CPEB4: variants seen among roughly 807,000 people sequenced by gnomAD.
The protein encoded by CPEB4 is cytoplasmic polyadenylation element-binding protein 4.
CPEB4 carries 12 observed loss-of-function variants against 72.5 expected under a neutral mutation model. That is an observed-to-expected ratio of 0.17 (90% CI 0.11 to 0.27). CPEB4 has a LOEUF of 0.27. Among genes scored for constraint, CPEB4 ranks in the 10% least tolerant of loss-of-function variants. The probability of loss-of-function intolerance (pLI) is 1.00; values close to 1 mark genes in which losing one functional copy is unlikely to be tolerated. For synonymous variants in CPEB4, 302 were observed against 326.3 expected (o/e 0.93, Z 0.80); for missense variants, 614 against 908.5 (o/e 0.68, Z 4.17).
At chr5:173,953,053 C>A in intron 8 of CPEB4, 38 bp from the exon 9 acceptor site, 1 of 1,522,314 alleles carries the variant, frequency 6.6e-7, no homozygotes, top group South Asian at 1.3e-5. Context: ...ATGAATTTTC[C>A]TGATTTTAAA....
chr5:173,910,654 GTATTAAC>G, intron 2 of CPEB4, 50 bp downstream of exon 2: 1 of 1,162,028 alleles, frequency 8.6e-7, no homozygotes, highest in South Asian at 1.2e-5. Flanking sequence ...TTTTAAATGT[GTATTAAC>G]TATTTAATCT....
At chr5:173,928,024 T>A (rs1018235347) in intron 2 of CPEB4, among the ~76,000 whole-genome samples, 3 of 152,064 alleles carry the variant, frequency 2.0e-5, no homozygotes, top group African/African-American at 4.8e-5. Flanking sequence ...TAAATGCATA[T>A]GACTAAGTGA....
At chr5:173,948,546 A>G (rs894578884) in intron 5 of CPEB4, among the ~76,000 whole-genome samples, 3 of 152,162 alleles carry the variant, frequency 2.0e-5, no homozygotes, top group Admixed American at 2.0e-4. Context: ...GCATTGCACC[A>G]TTATGGTGAT....
In CPEB4 at chr5:173,908,601, T is replaced by C. The variant is rs191640815; in HGVS notation, c.1126-1922T>C. 2.6e-5 allele frequency among the ~76,000 whole-genome samples: 4 copies of C among 152,212 alleles called. No individual in the cohort carries two copies. The East Asian group carries it at 7.7e-4, about 29-fold the overall frequency. The stretch of plus-strand genomic sequence containing the variant: ...GGGGTCAGGAGGAGTGGTCCCTATT[T>C]CAGGGAAGCAGAAGAATCATGTGGG... On this transcript the variant is annotated intron_variant, in intron 1 of 9. Transcript: ENST00000265085.
At chr5:173,915,842 C>T (rs1756848453) in intron 2 of CPEB4, among the ~76,000 whole-genome samples, 1 of 152,154 alleles carries the variant, frequency 6.6e-6, no homozygotes, top group Admixed American at 6.5e-5. Flanking sequence ...TGTTTTCAGC[C>T]TTCTGAAGCA....
chr5:173,901,915 T>C (rs1367886749), intron 1 of CPEB4, among the ~76,000 whole-genome samples: 1 of 152,138 alleles, frequency 6.6e-6, no homozygotes, highest in Non-Finnish European at 1.5e-5. Context: ...AGCTCTGTCA[T>C]ACAGAGCTTA....
chr5:173,921,013 T>A (rs1247266776), intron 2 of CPEB4, among the ~76,000 whole-genome samples: 1 of 152,212 alleles, frequency 6.6e-6, no homozygotes, highest in Non-Finnish European at 1.5e-5. Context: ...TCTTCAGCCA[T>A]GGGAATTATT....
rs1344145676 is a variant in CPEB4, at chr5:173,945,040, C to T, written c.1356C>T (p.Gly452=). 1.2e-6 allele frequency: 2 copies of T among 1,613,954 alleles called. No individual in the cohort carries two copies. The highest frequency in any genetic ancestry group is 1.7e-6 in the Non-Finnish European group (2 of 1,179,926). The change falls in exon 5 of 10, where the codon GGC becomes GGT. Residue 452 remains glycine, a synonymous_variant. Coordinates refer to ENST00000265085, the MANE Select transcript of CPEB4 (RefSeq NM_030627.4). Reference sequence around the variant, plus strand: ...GTGGGGATCAGCCTCTTCATAGTGGCCTGGGTTCACCTCACTGCTTCAGTC... The same window carrying T: ...GTGGGGATCAGCCTCTTCATAGTGGTCTGGGTTCACCTCACTGCTTCAGTC... The part of the protein sequence containing the change: ...DGRGDQPLHS[G]LGSPHCFSHQ...
In CPEB4 at chr5:173,961,621, T is replaced by G. The variant is rs1758552831; in HGVS notation, c.*5484T>G. 6.6e-6 allele frequency: 1 copy of G among 152,204 alleles called. No individual in the cohort carries two copies. Among genetic ancestry groups the G allele is most frequent in the Non-Finnish European group, 1.5e-5 (1 of 68,032 alleles). 9.4% of individuals were successfully genotyped at this position (152,204 alleles called of 1,614,324 possible). ...AGATGAATAAACAGTGGAAATTCTC[T>G]ACCACACTCTTAACAATCAAGTCAT... On this transcript the variant is annotated 3_prime_UTR_variant, in exon 10 of 10. Transcript: ENST00000265085.
rs897119081 is a variant in CPEB4 at position 173,959,543 on chromosome 5, A to T, written c.*3406A>T. ...TAACTTCAAGTTATGTGCAATACTT[A>T]TTTCAAACTTTTGAAAGATCTTTGC... On this transcript the variant is annotated 3_prime_UTR_variant, in exon 10 of 10. Coordinates refer to ENST00000265085, the MANE Select transcript of CPEB4 (RefSeq NM_030627.4). 6.5e-6 allele frequency: 1 copy of T among 152,796 alleles called. No individual in the cohort carries two copies. The highest frequency in any genetic ancestry group is 1.5e-5 in the Non-Finnish European group (1 of 68,026). The allele number at this position is 152,796 out of a possible 1,614,324, so 9.5% of individuals were successfully genotyped here.
intron 2 of CPEB4, among the ~76,000 whole-genome samples, chr5:173,914,346 A>AC (rs1330637501): frequency 1.3e-5 from 2 of 152,212 alleles, no homozygotes; most frequent in African/African-American, 2.4e-5. Flanking sequence ...AATTTGAATA[A>AC]CTTAAAAAAA....
intron 3 of CPEB4, among the ~76,000 whole-genome samples, chr5:173,936,335 T>C (rs1272138347): frequency 6.6e-6 from 1 of 152,248 alleles, no homozygotes; most frequent in African/African-American, 2.4e-5. Flanking sequence ...CATCTGTGCA[T>C]GTCTGTGTCC....
intron 2 of CPEB4, among the ~76,000 whole-genome samples, chr5:173,919,714 C>T (rs929082260): frequency 6.6e-6 from 1 of 152,148 alleles, no homozygotes; most frequent in Non-Finnish European, 1.5e-5. Context: ...CCACCTGATT[C>T]ATAGTTGTCA....
At chr5:173,922,152 C>T (rs974814182) in intron 2 of CPEB4, among the ~76,000 whole-genome samples, 1 of 152,166 alleles carries the variant, frequency 6.6e-6, no homozygotes, top group African/African-American at 2.4e-5. Flanking sequence ...GAGAAGGAAA[C>T]AAACATAAGA....
intron 2 of CPEB4, among the ~76,000 whole-genome samples, chr5:173,912,918 CAAAA>C: frequency 1.1e-5 from 1 of 88,976 alleles, no homozygotes; most frequent in Admixed American, 1.2e-4. Flanking sequence ...GACCCTGTCT[CAAAA>C]AAAAAAAAAA....
intron 3 of CPEB4, among the ~76,000 whole-genome samples, chr5:173,937,662 G>C (rs1757678412): frequency 2.0e-5 from 3 of 152,132 alleles, no homozygotes; most frequent in Non-Finnish European, 4.4e-5. Context: ...ATTTACTTTT[G>C]GGAAAGGGAG....
intron 1 of CPEB4, among the ~76,000 whole-genome samples, chr5:173,891,801 G>A (rs182345311): frequency 6.6e-6 from 1 of 152,254 alleles, no homozygotes; most frequent in Admixed American, 6.5e-5. Context: ...GATTATATGT[G>A]TTTAGGAAAT....
chr5:173,945,244 C>G (rs1480027418), intron 5 of CPEB4, 104 bp downstream of exon 5: 1 of 945,766 alleles, frequency 1.1e-6, no homozygotes, highest in East Asian at 2.5e-5. Context: ...CAATAGTCAG[C>G]CCTGCTTGCA....
At position 173,889,679 on chromosome 5, in the gene CPEB4, G is replaced by C; in HGVS notation, c.-55G>C. 1 of 1,452,268 alleles carries C rather than the reference G, an allele frequency of 6.9e-7. No homozygotes were observed. Among genetic ancestry groups the C allele is most frequent in the Non-Finnish European group, 9.3e-7 (1 of 1,077,696 alleles). The allele number at this position is 1,452,268 out of a possible 1,614,324, so 90.0% of individuals were successfully genotyped here. A position where few individuals can be genotyped will look rare whatever the true frequency, so the allele number is the denominator to read the frequency against. On this transcript the variant is annotated 5_prime_UTR_variant, in exon 1 of 10. Coordinates refer to ENST00000265085, the MANE Select transcript of CPEB4 (RefSeq NM_030627.4). ...ATTTGGGGTAGAGGAAAAAAAAGGC[G>C]TGAGACATCAGGTTGTCATTTTTTA... is the stretch of plus-strand genomic sequence containing the variant.
Sources: gnomAD v4.1 joint callset for allele counts (sites outside exome capture counted in the v4.1 genomes callset) on GRCh38, gnomAD v4.1.1 for gene constraint, MANE v1.5 for transcripts, NCBI Gene and HGNC (gene_info 2026-07-23, HGNC 2026-07-21) for gene names.